NLGN1: variants seen among roughly 807,000 people sequenced by gnomAD.
NLGN1 encodes neuroligin-1.
Under a neutral mutation model 65.5 loss-of-function variants are expected in NLGN1, and 12 were observed. The observed-to-expected ratio is 0.18, with a 90% confidence interval of 0.12 to 0.30. NLGN1 has a LOEUF of 0.30. Ranked by LOEUF, NLGN1 falls within the 10% of genes least tolerant of loss-of-function variation. The probability of loss-of-function intolerance (pLI) is 1.00; values close to 1 mark genes in which losing one functional copy is unlikely to be tolerated. For synonymous variants in NLGN1, 350 were observed against 359.5 expected, an observed-to-expected ratio of 0.97 and a Z score of 0.30; for missense variants, 750 against 1,007.1, an observed-to-expected ratio of 0.74 and a Z score of 3.46.
At chr3:173,765,271 G>T (rs935723994) in intron 3 of NLGN1, among the ~76,000 whole-genome samples, 2 of 152,068 alleles carry the variant, frequency 1.3e-5, no homozygotes, top group African/African-American at 4.8e-5. Flanking sequence ...ACAATGTGTT[G>T]CCAGAATCTA....
intron 1 of NLGN1, among the ~76,000 whole-genome samples, chr3:173,423,272 C>A (rs1299684177): frequency 6.6e-6 from 1 of 152,144 alleles, no homozygotes; most frequent in African/African-American, 2.4e-5. Flanking sequence ...AGACACAGAG[C>A]CAAACCATAT....
At chr3:173,857,587 A>C (rs1211933524) in intron 4 of NLGN1, among the ~76,000 whole-genome samples, 1 of 139,498 alleles carries the variant, frequency 7.2e-6, no homozygotes, top group Non-Finnish European at 1.5e-5. Flanking sequence ...CCACTAATAC[A>C]AAAAAAAATC....
At chr3:173,506,258 T>C (rs1732018880) in intron 2 of NLGN1, among the ~76,000 whole-genome samples, 6 of 152,102 alleles carry the variant, frequency 3.9e-5, no homozygotes, top group Admixed American at 3.9e-4. Flanking sequence ...TGCCATTTTA[T>C]ATCTAGGAAA....
At chr3:174,271,264 GAC>G (rs1281495881) in intron 4 of NLGN1, among the ~76,000 whole-genome samples, 1 of 151,100 alleles carries the variant, frequency 6.6e-6, no homozygotes, top group Non-Finnish European at 1.5e-5. Context: ...TTAAATTTCT[GAC>G]ATTCTAGATG....
At chr3:174,262,862 C>A (rs1440756746) in intron 4 of NLGN1, among the ~76,000 whole-genome samples, 1 of 98,030 alleles carries the variant, frequency 1.0e-5, no homozygotes, top group Non-Finnish European at 2.1e-5. Flanking sequence ...TTGAATGCGT[C>A]CCAGAGATTC....
chr3:173,515,277 G>T (rs867611300), intron 2 of NLGN1, among the ~76,000 whole-genome samples: 2 of 151,862 alleles, frequency 1.3e-5, no homozygotes, highest in Non-Finnish European at 2.9e-5. Context: ...TTTCCCACCC[G>T]TTAGTCATTT....
intron 4 of NLGN1, among the ~76,000 whole-genome samples, chr3:173,824,087 A>C (rs1720866375): frequency 6.6e-6 from 1 of 152,084 alleles, no homozygotes; most frequent in Non-Finnish European, 1.5e-5. Context: ...TGATTCACAA[A>C]GACACAAAAG....
chr3:173,871,403 A>G (rs1387324175), intron 4 of NLGN1, among the ~76,000 whole-genome samples: 1 of 152,200 alleles, frequency 6.6e-6, no homozygotes, highest in Non-Finnish European at 1.5e-5. Flanking sequence ...AACAGGAAGT[A>G]TGAAATTAAA....
chr3:173,498,196 C>A (rs1413162940), intron 2 of NLGN1, among the ~76,000 whole-genome samples: 1 of 151,406 alleles, frequency 6.6e-6, no homozygotes, highest in Non-Finnish European at 1.5e-5. Context: ...TAATGCTATC[C>A]CTCCCCACTC....
intron 3 of NLGN1, among the ~76,000 whole-genome samples, chr3:173,750,887 T>C (rs964741091): frequency 1.3e-5 from 2 of 152,082 alleles, no homozygotes; most frequent in African/African-American, 4.8e-5. Flanking sequence ...GACCCTGGGA[T>C]CATTAGAACA....
intron 3 of NLGN1, among the ~76,000 whole-genome samples, chr3:173,799,202 T>C (rs530362889): frequency 4.5e-4 from 69 of 152,044 alleles, no homozygotes; most frequent in African/African-American, 1.6e-3. Context: ...TTAACTTGAG[T>C]GTCGTGTGTT....
At chr3:174,032,296 T>C (rs1168878078) in intron 4 of NLGN1, among the ~76,000 whole-genome samples, 1 of 152,170 alleles carries the variant, frequency 6.6e-6, no homozygotes, top group Admixed American at 6.6e-5. Flanking sequence ...GGAAATCTTT[T>C]AAAAGGATCT....
chr3:173,853,268 T>C (rs1727328478), intron 4 of NLGN1, among the ~76,000 whole-genome samples: 1 of 152,210 alleles, frequency 6.6e-6, no homozygotes, highest in African/African-American at 2.4e-5. Flanking sequence ...AAACATACTT[T>C]TATTTTTCAT....
At chr3:173,915,422 T>A (rs983008870) in intron 4 of NLGN1, among the ~76,000 whole-genome samples, 3 of 152,186 alleles carry the variant, frequency 2.0e-5, no homozygotes, top group African/African-American at 7.2e-5. Context: ...TCTTGACAGA[T>A]CAGTAGACTG....
chr3:174,247,398 T>C (rs1384166007), intron 4 of NLGN1, among the ~76,000 whole-genome samples: 2 of 152,152 alleles, frequency 1.3e-5, no homozygotes, highest in African/African-American at 4.8e-5. Context: ...TGGCTGAAGG[T>C]AGTGTGGATG....
At chr3:174,159,690 T>TGATCTTCTCTTTA (rs1726138017) in intron 4 of NLGN1, among the ~76,000 whole-genome samples, 1 of 151,756 alleles carries the variant, frequency 6.6e-6, no homozygotes, top group Non-Finnish European at 1.5e-5. Context: ...GGCTGATGTG[T>TGATCTTCTCTTTA]TAATCAAGTT....
chr3:174,241,822 A>C (rs538024118), intron 4 of NLGN1, among the ~76,000 whole-genome samples: 57 of 151,848 alleles, frequency 3.8e-4, no homozygotes, highest in South Asian at 1.2e-3. Context: ...CCACGCCTGG[A>C]TAATTTTTTG....
At chr3:173,645,874 A>C (rs1209743355) in intron 3 of NLGN1, among the ~76,000 whole-genome samples, 1 of 152,140 alleles carries the variant, frequency 6.6e-6, no homozygotes, top group African/African-American at 2.4e-5. Flanking sequence ...CATGGTTGCC[A>C]TTCTCCTCGG....
At chr3:173,897,812 C>G (rs747850732) in intron 4 of NLGN1, among the ~76,000 whole-genome samples, 1 of 152,154 alleles carries the variant, frequency 6.6e-6, no homozygotes, top group Non-Finnish European at 1.5e-5. Context: ...CTCTCCTTGT[C>G]ATGAACATCT....
Sources: gnomAD v4.1 joint callset for allele counts (sites outside exome capture counted in the v4.1 genomes callset) on GRCh38, gnomAD v4.1.1 for gene constraint, MANE v1.5 for transcripts, NCBI Gene and HGNC (gene_info 2026-07-23, HGNC 2026-07-21) for gene names.